MEI1: variants seen among roughly 807,000 people sequenced by gnomAD.
The protein encoded by MEI1 is meiosis inhibitor protein 1.
MEI1 carries 103 observed loss-of-function variants against 146.2 expected under a neutral mutation model. The ratio of observed to expected loss-of-function variants is 0.70; its 90% CI spans 0.60 to 0.83. The LOEUF is 0.83. Among genes scored for constraint, MEI1 ranks in the 40% least tolerant of loss-of-function variants. The pLI is 0.00. For synonymous variants in MEI1, 652 were observed against 628.2 expected (o/e 1.04, Z -0.57); for missense variants, 1,529 against 1,533.0 (o/e 1.00, Z 0.04).
chr22:41,796,878 C>T (rs539867756), intron 30 of MEI1, among the ~76,000 whole-genome samples: 15 of 151,948 alleles, frequency 9.9e-5, no homozygotes, highest in African/African-American at 2.4e-4. Flanking sequence ...ATCGGGGATG[C>T]GGAGGGCAGT....
At chr22:41,716,549 T>C (rs907274406) in intron 5 of MEI1, among the ~76,000 whole-genome samples, 7 of 150,974 alleles carry the variant, frequency 4.6e-5, no homozygotes, top group Non-Finnish European at 1.5e-5. Flanking sequence ...ACTAATTTTG[T>C]ATTTTTGGTA....
intron 19 of MEI1, among the ~76,000 whole-genome samples, chr22:41,764,339 A>G (rs961694801): frequency 6.6e-6 from 1 of 152,216 alleles, no homozygotes; most frequent in Admixed American, 6.5e-5. Flanking sequence ...TGTAATCCCT[A>G]ATTAATTAGT....
chr22:41,740,237 A>G (rs2072745007), intron 11 of MEI1, among the ~76,000 whole-genome samples: 1 of 152,048 alleles, frequency 6.6e-6, no homozygotes, highest in Non-Finnish European at 1.5e-5. Context: ...CCAGGCTGGT[A>G]TCGAATTCCT....
chr22:41,743,952 C>T (rs919005047), intron 12 of MEI1, among the ~76,000 whole-genome samples: 12 of 152,122 alleles, frequency 7.9e-5, no homozygotes, highest in African/African-American at 2.4e-4. Flanking sequence ...TCTCGACTCA[C>T]TGCAACCTCC....
At chr22:41,746,144 C>G (rs2073270791) in intron 14 of MEI1, 118 bp downstream of exon 14, 2 of 866,182 alleles carry the variant, frequency 2.3e-6, no homozygotes, top group African/African-American at 3.4e-5. Flanking sequence ...GGGGCCTCAG[C>G]AGTGCAATTC....
chr22:41,767,507 G>A, intron 19 of MEI1: 1 of 451,256 alleles, frequency 2.2e-6, no homozygotes, highest in South Asian at 1.6e-5. Context: ...CAGAGTGTGG[G>A]TGTCTCTGTG....
intron 19 of MEI1, among the ~76,000 whole-genome samples, chr22:41,765,883 CTTTTTTTT>C (rs1013045266): frequency 3.5e-5 from 3 of 86,134 alleles, no homozygotes. Flanking sequence ...CCAAAATGTT[CTTTTTTTT>C]TTTTTTTTTT....
chr22:41,709,314 C>CTTTTCCCT, intron 3 of MEI1: 1 of 796,110 alleles, frequency 1.3e-6, no homozygotes, highest in Non-Finnish European at 2.2e-6. Flanking sequence ...CCAGCATCCA[C>CTTTTCCCT]TTTTCCCTTT....
rs952411565 is a variant in MEI1, at chr22:41,737,242, C to CT, written c.1331+4651dup. On this transcript the variant is annotated intron_variant, in intron 11 of 30. Transcript: ENST00000401548. ...AAACATTTGAAAGTTATTGTTTATT[C>CT]TTTTTTTTTTTTGAGACGGAGTCTT... is the stretch of plus-strand genomic sequence containing the variant. Among the ~76,000 whole-genome samples the CT allele has an allele frequency of 2.9e-3, 420 of 145,976 alleles. 1 individual carries two copies. The highest frequency in any genetic ancestry group is 5.6e-3 in the African/African-American group (225 of 40,022).
intron 26 of MEI1, among the ~76,000 whole-genome samples, chr22:41,789,626 T>C (rs1203830538): frequency 6.6e-6 from 1 of 152,198 alleles, no homozygotes; most frequent in Non-Finnish European, 1.5e-5. Context: ...CTGTACCCAT[T>C]AAACAATTCC....
intron 26 of MEI1, among the ~76,000 whole-genome samples, chr22:41,787,653 C>A (rs538884012): frequency 6.6e-6 from 1 of 152,198 alleles, no homozygotes; most frequent in South Asian, 2.1e-4. Context: ...AATGCTTTCT[C>A]CCTAATGTTT....
At chr22:41,777,874 TTCCTTCCTTCCA>T (rs1003591698) in intron 21 of MEI1, among the ~76,000 whole-genome samples, 1 of 150,992 alleles carries the variant, frequency 6.6e-6, no homozygotes, top group African/African-American at 2.4e-5. Context: ...CCTTCCTTCG[TTCCTTCCTTCCA>T]TCCATCCTTC....
intron 11 of MEI1, 110 bp from the exon 12 acceptor site, chr22:41,742,970 G>A: frequency 2.8e-6 from 2 of 713,654 alleles, no homozygotes; most frequent in South Asian, 1.7e-5. Flanking sequence ...TATCAGATTA[G>A]ATTCCATGTT....
At chr22:41,780,743 G>A (rs1214120206) in intron 22 of MEI1, among the ~76,000 whole-genome samples, 2 of 152,046 alleles carry the variant, frequency 1.3e-5, no homozygotes, top group East Asian at 3.9e-4. Flanking sequence ...ACCATGCCCA[G>A]CTAATTTTTT....
intron 26 of MEI1, 23 bp from the exon 27 acceptor site, chr22:41,793,806 A>ATTTTTT: frequency 7.1e-7 from 1 of 1,401,362 alleles, no homozygotes; most frequent in East Asian, 2.5e-5. Context: ...ACCTGACCTG[A>ATTTTTT]TTTTTTTTTT....
At chr22:41,780,197 C>T (rs1186034415) in intron 22 of MEI1, among the ~76,000 whole-genome samples, 1 of 152,148 alleles carries the variant, frequency 6.6e-6, no homozygotes, top group Non-Finnish European at 1.5e-5. Flanking sequence ...AGGCTGAAAC[C>T]CACACATGAA....
intron 1 of MEI1, among the ~76,000 whole-genome samples, chr22:41,701,832 T>C (rs1347654818): frequency 6.6e-6 from 1 of 152,042 alleles, no homozygotes; most frequent in Non-Finnish European, 1.5e-5. Context: ...CCAGAGGAAG[T>C]GGGAGGCTGA....
intron 19 of MEI1, among the ~76,000 whole-genome samples, chr22:41,766,730 C>G (rs2074881401): frequency 6.6e-6 from 1 of 151,774 alleles, no homozygotes; most frequent in Non-Finnish European, 1.5e-5. Flanking sequence ...ATTTTTATTT[C>G]CTGTAGAGAC....
chr22:41,770,198 C>T (rs1273778396), intron 19 of MEI1, among the ~76,000 whole-genome samples: 3 of 152,124 alleles, frequency 2.0e-5, no homozygotes, highest in South Asian at 2.1e-4. Flanking sequence ...AGGCCCTATG[C>T]TAAGTGCACA....
Sources: gnomAD v4.1 joint callset for allele counts (sites outside exome capture counted in the v4.1 genomes callset) on GRCh38, gnomAD v4.1.1 for gene constraint, MANE v1.5 for transcripts, NCBI Gene and HGNC (gene_info 2026-07-23, HGNC 2026-07-21) for gene names.